SEMA3A: variants seen among roughly 807,000 people sequenced by gnomAD.
The protein encoded by SEMA3A is semaphorin 3A.
Under a neutral mutation model 97.9 loss-of-function variants are expected in SEMA3A, and 29 were observed. The ratio of observed to expected loss-of-function variants is 0.30; its 90% CI spans 0.22 to 0.40. The LOEUF (loss-of-function observed/expected upper bound fraction) is 0.40. SEMA3A is among the 10% of genes least tolerant of loss of function. The probability of loss-of-function intolerance (pLI) is 1.00; values close to 1 mark genes in which losing one functional copy is unlikely to be tolerated. For missense variants in SEMA3A, 763 were observed against 951.3 expected, an observed-to-expected ratio of 0.80 and a Z score of 2.60; for synonymous variants, 321 against 323.7, an observed-to-expected ratio of 0.99 and a Z score of 0.09.
chr7:84,477,214 G>A (rs947927064), intron 1 of SEMA3A, among the ~76,000 whole-genome samples: 8 of 150,524 alleles, frequency 5.3e-5, no homozygotes, highest in African/African-American at 1.7e-4. Flanking sequence ...CGAGGTGGGC[G>A]GATCACAAGG....
At chr7:83,970,100 A>G (rs139456353) in intron 15 of SEMA3A, among the ~76,000 whole-genome samples, 81 of 152,332 alleles carry the variant, frequency 5.3e-4, no homozygotes, top group Middle Eastern at 6.8e-3. Flanking sequence ...AGAACAAAAT[A>G]ATTGAGAGCA....
intron 2 of SEMA3A, among the ~76,000 whole-genome samples, chr7:84,343,324 C>G (rs1045483832): frequency 1.3e-5 from 2 of 152,094 alleles, no homozygotes; most frequent in Non-Finnish European, 2.9e-5. Flanking sequence ...CTGTTGGCAA[C>G]TGAAAACACT....
At chr7:84,177,031 G>A (rs542313172) in intron 1 of SEMA3A, among the ~76,000 whole-genome samples, 206 of 152,132 alleles carry the variant, frequency 1.4e-3, no homozygotes, top group Non-Finnish European at 2.7e-3. Flanking sequence ...GAACACCTAG[G>A]GAAAATGTTG....
At chr7:84,188,146 C>A (rs1289966205) in intron 1 of SEMA3A, among the ~76,000 whole-genome samples, 1 of 152,052 alleles carries the variant, frequency 6.6e-6, no homozygotes. Flanking sequence ...CAGGAGATGA[C>A]AAGATTCCTT....
intron 1 of SEMA3A, among the ~76,000 whole-genome samples, chr7:84,414,961 A>C (rs1804392345): frequency 6.6e-6 from 1 of 152,036 alleles, no homozygotes; most frequent in Non-Finnish European, 1.5e-5. Flanking sequence ...ATGAGGAACA[A>C]ATAAAAAATA....
chr7:84,029,037 A>C (rs1022008623), intron 6 of SEMA3A, among the ~76,000 whole-genome samples: 1 of 152,230 alleles, frequency 6.6e-6, no homozygotes, highest in East Asian at 1.9e-4. Flanking sequence ...ATGGTGAATG[A>C]ATGCCTCAAA....
chr7:84,278,144 G>A (rs1800355911), intron 3 of SEMA3A, among the ~76,000 whole-genome samples: 1 of 152,060 alleles, frequency 6.6e-6, no homozygotes, highest in South Asian at 2.1e-4. Context: ...TAAATAATCA[G>A]TCTCAAGTTC....
chr7:84,479,465 C>T (rs561471481), intron 1 of SEMA3A, among the ~76,000 whole-genome samples: 1 of 152,222 alleles, frequency 6.6e-6, no homozygotes, highest in East Asian at 1.9e-4. Flanking sequence ...CTGTGTTGCA[C>T]ACAAAAATGT....
intron 1 of SEMA3A, among the ~76,000 whole-genome samples, chr7:84,470,319 A>G (rs1054162164): frequency 2.0e-5 from 3 of 152,076 alleles, no homozygotes; most frequent in African/African-American, 7.2e-5. Flanking sequence ...ATTTTCTATT[A>G]ATTTGGCCAA....
At chr7:84,346,293 C>T (rs1462743511) in intron 2 of SEMA3A, among the ~76,000 whole-genome samples, 1 of 152,174 alleles carries the variant, frequency 6.6e-6, no homozygotes, top group Admixed American at 6.5e-5. Flanking sequence ...TCTTTATTAG[C>T]AATTAGTCTG....
chr7:83,963,951 G>A (rs1233773040), intron 15 of SEMA3A, among the ~76,000 whole-genome samples: 1 of 152,152 alleles, frequency 6.6e-6, no homozygotes, highest in East Asian at 1.9e-4. Context: ...TGAAAAGTTA[G>A]GGATGGCTTT....
At chr7:84,075,811 T>C (rs1024851326) in intron 4 of SEMA3A, among the ~76,000 whole-genome samples, 1 of 152,160 alleles carries the variant, frequency 6.6e-6, no homozygotes, top group Non-Finnish European at 1.5e-5. Context: ...GTAGCAGAAA[T>C]CTTACCTTTG....
At chr7:84,415,065 C>A (rs1432865559) in intron 1 of SEMA3A, among the ~76,000 whole-genome samples, 1 of 151,932 alleles carries the variant, frequency 6.6e-6, no homozygotes, top group African/African-American at 2.4e-5. Context: ...AGTTAGGTTT[C>A]TATAAGGCAA....
rs1259447692 is a variant in SEMA3A, at chr7:84,091,136, G to GA, written c.453+19333dup. On this transcript the variant is annotated intron_variant, in intron 4 of 16. Coordinates refer to ENST00000265362, the MANE Select transcript of SEMA3A (RefSeq NM_006080.3). ...AAAGAAAGAAAAAGAAAGAAAGAAAGAAGGAAGGAAGGAAGGAAGGAAGGA... is the reference window on the plus strand; with the variant it reads ...AAAGAAAGAAAAAGAAAGAAAGAAAGAAAGGAAGGAAGGAAGGAAGGAAGGA... Among the ~76,000 whole-genome samples the GA allele has an allele frequency of 2.4e-3, 53 of 22,052 alleles. 4 individuals are homozygous for GA. The highest frequency in any genetic ancestry group is 9.1e-3 in the South Asian group (6 of 662). The allele number at this position is 22,052 out of a possible 152,430, so 14.5% of individuals were successfully genotyped here.
At chr7:84,453,048 G>A (rs1805598219) in intron 1 of SEMA3A, among the ~76,000 whole-genome samples, 1 of 152,108 alleles carries the variant, frequency 6.6e-6, no homozygotes, top group Non-Finnish European at 1.5e-5. Flanking sequence ...AAATTTTCTA[G>A]GTTAACCTAA....
At chr7:84,344,590 A>C (rs1292836608) in intron 2 of SEMA3A, among the ~76,000 whole-genome samples, 1 of 152,192 alleles carries the variant, frequency 6.6e-6, no homozygotes, top group Non-Finnish European at 1.5e-5. Context: ...GGTTAGAGTC[A>C]CGGAAAAGAG....
Position 84,194,754 on chromosome 7 carries a change from G to T in SEMA3A, c.-168C>A. On this transcript the variant is annotated 5_prime_UTR_variant, in exon 1 of 17. Transcript: ENST00000265362. ...TGGCAACACTAACACCTCTTCTTCTGTAACAGTCACTGAAGCACAGAAACT... is the reference window on the plus strand; with the variant it reads ...TGGCAACACTAACACCTCTTCTTCTTTAACAGTCACTGAAGCACAGAAACT... 2.1e-5 allele frequency: 7 copies of T among 327,736 alleles called. No homozygotes were observed. The highest frequency in any genetic ancestry group is 3.3e-5 in the Non-Finnish European group (6 of 180,482). 20.3% of individuals were successfully genotyped at this position (327,736 alleles called of 1,614,324 possible). A position where few individuals can be genotyped will look rare whatever the true frequency, so the allele number is the denominator to read the frequency against.
chr7:84,439,879 A>G (rs1053244257), intron 1 of SEMA3A, among the ~76,000 whole-genome samples: 1 of 152,202 alleles, frequency 6.6e-6, no homozygotes, highest in African/African-American at 2.4e-5. Flanking sequence ...ATGAAAATTT[A>G]AAGATGAATA....
At chr7:84,358,810 T>C (rs1430013783) in intron 2 of SEMA3A, among the ~76,000 whole-genome samples, 6 of 152,204 alleles carry the variant, frequency 3.9e-5, no homozygotes, top group East Asian at 1.9e-4. Context: ...TCTTTTATTT[T>C]GTTGAACAGT....
Sources: gnomAD v4.1 joint callset for allele counts (sites outside exome capture counted in the v4.1 genomes callset) on GRCh38, gnomAD v4.1.1 for gene constraint, MANE v1.5 for transcripts, NCBI Gene and HGNC (gene_info 2026-07-23, HGNC 2026-07-21) for gene names.